DPP10: variants seen among roughly 807,000 people sequenced by gnomAD.
The protein encoded by DPP10 is inactive dipeptidyl peptidase 10.
In DPP10, 33 loss-of-function variants were observed where a neutral mutation model predicts 120.9. The ratio of observed to expected loss-of-function variants is 0.27; its 90% confidence interval spans 0.21 to 0.37. The LOEUF is 0.37. DPP10 is among the 10% of genes least tolerant of loss of function. The pLI, the probability that DPP10 is intolerant of heterozygous loss-of-function variation, is 1.00. For synonymous variants in DPP10, 337 were observed against 326.1 expected (o/e 1.03, Z -0.36); for missense variants, 816 against 942.8 (o/e 0.87, Z 1.76).
chr2:115,482,096 C>G (rs978892934), intron 3 of DPP10, among the ~76,000 whole-genome samples: 1 of 151,992 alleles, frequency 6.6e-6, no homozygotes, highest in African/African-American at 2.4e-5. Flanking sequence ...CAAAATATAT[C>G]TAAAGTTTTG....
intron 3 of DPP10, among the ~76,000 whole-genome samples, chr2:115,411,593 A>G (rs2104584061): frequency 6.6e-6 from 1 of 152,300 alleles, no homozygotes; most frequent in African/African-American, 2.4e-5. Context: ...AGAAGCAAGG[A>G]TTTTAATGAT....
chr2:115,411,902 T>C (rs183427746), intron 3 of DPP10, among the ~76,000 whole-genome samples: 4 of 152,208 alleles, frequency 2.6e-5, no homozygotes, highest in African/African-American at 9.6e-5. Context: ...ACCATGATTC[T>C]CTCTGTTCCT....
intron 2 of DPP10, among the ~76,000 whole-genome samples, chr2:115,337,840 A>G (rs1013722526): frequency 1.3e-5 from 2 of 152,054 alleles, no homozygotes; most frequent in Admixed American, 1.3e-4. Flanking sequence ...GAACAAAGAA[A>G]GCAACACAGA....
intron 2 of DPP10, among the ~76,000 whole-genome samples, chr2:115,320,658 T>G (rs1036660758): frequency 2.6e-5 from 4 of 152,076 alleles, no homozygotes; most frequent in Non-Finnish European, 4.4e-5. Context: ...TCTATATATA[T>G]TGTGTGACCA....
At chr2:115,531,809 A>G (rs1478875572) in intron 5 of DPP10, among the ~76,000 whole-genome samples, 3 of 152,142 alleles carry the variant, frequency 2.0e-5, no homozygotes, top group Non-Finnish European at 2.9e-5. Context: ...ACTACGAGCC[A>G]CAAGGGAGAA....
intron 1 of DPP10, among the ~76,000 whole-genome samples, chr2:114,539,406 G>T (rs1434933340): frequency 6.6e-6 from 1 of 151,924 alleles, no homozygotes; most frequent in East Asian, 1.9e-4. Context: ...ATCATCTTAA[G>T]ATAAAAGACA....
chr2:115,254,712 A>G (rs992876087), intron 1 of DPP10, among the ~76,000 whole-genome samples: 8 of 152,190 alleles, frequency 5.3e-5, no homozygotes, highest in African/African-American at 1.9e-4. Context: ...AAATTGGCCA[A>G]AACAGAGGGG....
At chr2:114,491,643 G>A (rs1682012879) in intron 1 of DPP10, among the ~76,000 whole-genome samples, 1 of 152,140 alleles carries the variant, frequency 6.6e-6, no homozygotes, top group South Asian at 2.1e-4. Context: ...ACCAGATACT[G>A]CATTTCCTTA....
At chr2:114,552,281 A>G (rs1228226816) in intron 1 of DPP10, among the ~76,000 whole-genome samples, 1 of 152,146 alleles carries the variant, frequency 6.6e-6, no homozygotes, top group Non-Finnish European at 1.5e-5. Flanking sequence ...AATTAATACG[A>G]TGCTAAGGGG....
intron 1 of DPP10, among the ~76,000 whole-genome samples, chr2:114,931,315 C>CTGCA (rs1696054098): frequency 6.6e-6 from 1 of 152,204 alleles, no homozygotes; most frequent in Admixed American, 6.5e-5. Flanking sequence ...GCACTAGCAT[C>CTGCA]TGCATCTGGG....
chr2:114,725,521 A>G lies in DPP10; in HGVS notation c.60+282683A>G, dbSNP rs115646735. Among the ~76,000 whole-genome samples the G allele has an allele frequency of 8.5e-3, 1,296 of 152,294 alleles. 20 individuals are homozygous for G. Among genetic ancestry groups the G allele is most frequent in the African/African-American group, 0.03 (1,236 of 41,562 alleles). The stretch of plus-strand genomic sequence containing the variant: ...ATCCGATGATGCAAATTCTCTTTCA[A>G]TAGCTCCACATCTTCTTTGGATGAT... On this transcript the variant is annotated intron_variant, in intron 1 of 25. Coordinates refer to ENST00000410059, the MANE Select transcript of DPP10 (RefSeq NM_020868.6).
rs909919044 is a variant in DPP10 at position 114,763,358 on chromosome 2, T to C, written c.60+320520T>C. ...CAGGTCTCACTCTTTTTCTTTTTCCTCTTATGGCCTTCAGCGGGCGCTAAC... is the reference window on the plus strand; with the variant it reads ...CAGGTCTCACTCTTTTTCTTTTTCCCCTTATGGCCTTCAGCGGGCGCTAAC... On this transcript the variant is annotated intron_variant, in intron 1 of 25. Coordinates refer to ENST00000410059, the MANE Select transcript of DPP10 (RefSeq NM_020868.6). Among the ~76,000 whole-genome samples the C allele has an allele frequency of 6.6e-5, 10 of 152,228 alleles. No homozygotes were observed. The East Asian group carries it at 1.9e-3, about 29-fold the overall frequency.
At chr2:114,831,191 G>A (rs1687087458) in intron 1 of DPP10, among the ~76,000 whole-genome samples, 1 of 151,744 alleles carries the variant, frequency 6.6e-6, no homozygotes, top group African/African-American at 2.4e-5. Flanking sequence ...ACATTCCAAT[G>A]TTTCTGCTTT....
intron 1 of DPP10, among the ~76,000 whole-genome samples, chr2:114,888,142 CAA>C (rs1231068172): frequency 3.0e-4 from 20 of 66,352 alleles, no homozygotes; most frequent in South Asian, 4.7e-4. Flanking sequence ...GCCTCCGTCT[CAA>C]AAAAAAAAAA....
intron 1 of DPP10, among the ~76,000 whole-genome samples, chr2:114,748,338 C>CTTTTTTTTTTTTTTTTT (rs1255227047): frequency 1.4e-5 from 1 of 70,320 alleles, no homozygotes; most frequent in African/African-American, 6.3e-5. Flanking sequence ...AGGGAATTTT[C>CTTTTTTTTTTTTTTTTT]TTTTTTTTTT....
intron 17 of DPP10, among the ~76,000 whole-genome samples, chr2:115,790,270 G>A (rs148834587): frequency 0.082 from 12,376 of 151,282 alleles, 562 homozygotes; most frequent in South Asian, 0.13. Context: ...TAGTAGAGAC[G>A]GGGTTTCACC....
At chr2:115,408,968 G>A (rs1339791761) in intron 3 of DPP10, among the ~76,000 whole-genome samples, 1 of 151,522 alleles carries the variant, frequency 6.6e-6, no homozygotes, top group Non-Finnish European at 1.5e-5. Context: ...TGAGTGAAAA[G>A]AATGAAAAAG....
At chr2:114,656,161 A>G (rs1406924547) in intron 1 of DPP10, among the ~76,000 whole-genome samples, 1 of 152,178 alleles carries the variant, frequency 6.6e-6, no homozygotes, top group African/African-American at 2.4e-5. Context: ...GAGTCCATTG[A>G]GCTAGTCAAA....
chr2:114,568,438 G>A (rs995621700), intron 1 of DPP10, among the ~76,000 whole-genome samples: 18 of 152,220 alleles, frequency 1.2e-4, no homozygotes, highest in African/African-American at 3.4e-4. Flanking sequence ...ATGCTTGAAC[G>A]AAGTACACAG....
Sources: gnomAD v4.1 joint callset for allele counts (sites outside exome capture counted in the v4.1 genomes callset) on GRCh38, gnomAD v4.1.1 for gene constraint, MANE v1.5 for transcripts, NCBI Gene and HGNC (gene_info 2026-07-23, HGNC 2026-07-21) for gene names.